Variants in MTREX observed in about 807,000 individuals in gnomAD.
MTREX encodes the protein exosome RNA helicase MTR4.
In MTREX, 76 loss-of-function variants were observed where a neutral mutation model predicts 135.4. The ratio of observed to expected loss-of-function variants is 0.56; its 90% confidence interval spans 0.47 to 0.68. The LOEUF is 0.68. MTREX is among the 30% of genes least tolerant of loss of function. The probability of loss-of-function intolerance (pLI) is 0.00; values close to 1 mark genes in which losing one functional copy is unlikely to be tolerated. For missense variants in MTREX, 920 were observed against 1,262.1 expected (o/e 0.73, Z 4.11); for synonymous variants, 404 against 401.6 (o/e 1.01, Z -0.07).
intron 23 of MTREX, among the ~76,000 whole-genome samples, chr5:55,413,452 C>T (rs1008216012): frequency 6.6e-6 from 1 of 151,226 alleles, no homozygotes; most frequent in African/African-American, 2.4e-5. Flanking sequence ...AAAATTTCTT[C>T]ACAAATAATG....
chr5:55,416,209 TATA>T (rs1579904229), intron 25 of MTREX, 77 bp downstream of exon 25: 3 of 869,246 alleles, frequency 3.5e-6, no homozygotes, highest in East Asian at 6.2e-5. Context: ...ATTAAACAAG[TATA>T]ATATGTATTT....
At chr5:55,368,953 C>T (rs990967878) in intron 16 of MTREX, among the ~76,000 whole-genome samples, 3 of 152,020 alleles carry the variant, frequency 2.0e-5, no homozygotes, top group Admixed American at 2.0e-4. Context: ...AATCATATTA[C>T]ATTTTATTAA....
intron 11 of MTREX, among the ~76,000 whole-genome samples, 181 bp downstream of exon 11, chr5:55,347,325 TCTC>T (rs1749754581): frequency 6.6e-6 from 1 of 152,214 alleles, no homozygotes; most frequent in Admixed American, 6.5e-5. Context: ...TTCCCTTTCT[TCTC>T]CTTTTATTGA....
chr5:55,378,333 A>G lies in MTREX; in HGVS notation c.1830A>G (p.Glu610=). The change falls in exon 17 of 27, where the codon GAA becomes GAG. Residue 610 remains glutamate, a synonymous_variant. Transcript: ENST00000230640. Reference sequence around the variant, plus strand: ...TTACAGAGGTAAAGAATTCAGAAGAACAGTATAATAAAATAGTAATTCCCA... The same window carrying G: ...TTACAGAGGTAAAGAATTCAGAAGAGCAGTATAATAAAATAGTAATTCCCA... The part of the protein sequence containing the change: ...GVVEKVKNSE[E]QYNKIVIPNE... The G allele has an allele frequency of 1.2e-6, 2 of 1,600,376 alleles. No individual in the cohort carries two copies. The highest frequency in any genetic ancestry group is 1.1e-5 in the South Asian group (1 of 87,172).
intron 22 of MTREX, 144 bp downstream of exon 22, chr5:55,405,732 C>T (rs1404017723): frequency 9.1e-6 from 5 of 547,584 alleles, no homozygotes; most frequent in South Asian, 3.7e-5. Flanking sequence ...AACTCCGCCT[C>T]GCAGTTTTAA....
At chr5:55,346,834 A>C (rs1579861469) in intron 10 of MTREX, among the ~76,000 whole-genome samples, 179 bp from the exon 11 acceptor site, 1 of 152,002 alleles carries the variant, frequency 6.6e-6, no homozygotes, top group African/African-American at 2.4e-5. Context: ...CAGTTCATGC[A>C]TTTTTTTCCT....
chr5:55,421,038 T>C (rs777035584), intron 25 of MTREX, among the ~76,000 whole-genome samples: 10 of 152,356 alleles, frequency 6.6e-5, no homozygotes, highest in Non-Finnish European at 1.3e-4. Flanking sequence ...CTTTCTACTC[T>C]GGCAGGACCA....
chr5:55,382,480 A>G (rs1172659837), intron 18 of MTREX, among the ~76,000 whole-genome samples: 1 of 152,092 alleles, frequency 6.6e-6, no homozygotes, highest in South Asian at 2.1e-4. Context: ...GTATAGCTCT[A>G]TTCTATTTTC....
intron 26 of MTREX, chr5:55,423,227 G>T: frequency 2.3e-6 from 1 of 435,012 alleles, no homozygotes; most frequent in Non-Finnish European, 4.0e-6. Flanking sequence ...TAAGCACTAG[G>T]GGATATAGTG....
chr5:55,401,190 A>C (rs1010422081), intron 21 of MTREX, among the ~76,000 whole-genome samples: 1 of 152,074 alleles, frequency 6.6e-6, no homozygotes, highest in Non-Finnish European at 1.5e-5. Flanking sequence ...ACGCACCACC[A>C]TGCCCAGCTA....
In MTREX at chr5:55,343,513, G is replaced by C. The variant is rs1749684486; in HGVS notation, c.906+58G>C. 8.2e-6 allele frequency: 12 copies of C among 1,460,288 alleles called. 1 individual carries two copies. Among genetic ancestry groups the C allele is most frequent in the South Asian group, 6.1e-5 (5 of 81,468 alleles). 90.5% of individuals were successfully genotyped at this position (1,460,288 alleles called of 1,614,324 possible). A position where few individuals can be genotyped will look rare whatever the true frequency, so the allele number is the denominator to read the frequency against. ...ATTCAAAATGTTACAGATTAGTCTT[G>C]CTTTACTCTCCCTTTGCTTTTCTCC... On this transcript the variant is annotated intron_variant, in intron 8 of 26. Transcript: ENST00000230640.
chr5:55,405,318 C>G lies in MTREX; in HGVS notation c.2482-107C>G, dbSNP rs530621140. 5 of 963,378 alleles carry G rather than the reference C, an allele frequency of 5.2e-6. No individual in the cohort carries two copies. In the South Asian group the frequency reaches 8.7e-5, roughly 17 times the overall value. 59.7% of individuals were successfully genotyped at this position (963,378 alleles called of 1,614,324 possible). A position where few individuals can be genotyped will look rare whatever the true frequency, so the allele number is the denominator to read the frequency against. On this transcript the variant is annotated intron_variant, in intron 21 of 26. Coordinates refer to ENST00000230640, the MANE Select transcript of MTREX (RefSeq NM_015360.5). ...ACTGAAGCTTTAACCCAGAAGTATA[C>G]TGTAAGATGTTCTTTAAAAATATTT...
chr5:55,362,701 T>C (rs1229716016), intron 15 of MTREX, among the ~76,000 whole-genome samples: 3 of 152,160 alleles, frequency 2.0e-5, no homozygotes, highest in African/African-American at 4.8e-5. Flanking sequence ...TTACTTGATA[T>C]GAGCTATAAA....
At chr5:55,353,414 G>GAT in intron 14 of MTREX, 145 bp downstream of exon 14, 1 of 517,152 alleles carries the variant, frequency 1.9e-6, no homozygotes, top group Non-Finnish European at 3.3e-6. Context: ...GTTAAACCTT[G>GAT]GCTTTTGGCC....
At chr5:55,337,175 C>T (rs1749567447) in intron 5 of MTREX, among the ~76,000 whole-genome samples, 1 of 152,102 alleles carries the variant, frequency 6.6e-6, no homozygotes, top group African/African-American at 2.4e-5. Context: ...GGTTGGAATG[C>T]AATGGCATAA....
intron 1 of MTREX, among the ~76,000 whole-genome samples, chr5:55,309,029 AT>A (rs546974856): frequency 1.4e-3 from 217 of 152,262 alleles, no homozygotes; most frequent in African/African-American, 5.0e-3. Context: ...AAAATGAATG[AT>A]ATATACAATT....
rs569536895 is a variant in MTREX at position 55,397,056 on chromosome 5, C to T, written c.2182-360C>T. Among the ~76,000 whole-genome samples, 9 of 152,268 alleles carry T rather than the reference C, an allele frequency of 5.9e-5. No individual in the cohort carries two copies. In the South Asian group the frequency reaches 1.9e-3, roughly 32 times the overall value. On this transcript the variant is annotated intron_variant, in intron 19 of 26. Coordinates refer to ENST00000230640, the MANE Select transcript of MTREX (RefSeq NM_015360.5). ...TTTCTTGACTTCCTAAACCTGTTAA[C>T]AAGAGTCTTTCATTCTTAGTACTAT...
At chr5:55,405,240 G>A (rs230784) in intron 21 of MTREX, 185 bp from the exon 22 acceptor site, 433,028 of 492,948 alleles carry the variant, frequency 0.88, 191,168 homozygotes, top group Admixed American at 0.92. Flanking sequence ...TTACTCTTGT[G>A]TAATGTTCCG....
chr5:55,328,593 A>G, intron 4 of MTREX, 106 bp from the exon 5 acceptor site: 1 of 682,038 alleles, frequency 1.5e-6, no homozygotes, highest in Non-Finnish European at 2.6e-6. Context: ...TCATAAAGGA[A>G]TACTCCCAGA....
Sources: allele counts gnomAD v4.1 joint callset (sites outside exome capture counted in the v4.1 genomes callset), GRCh38; gene constraint gnomAD v4.1.1; transcripts MANE v1.5; gene names NCBI Gene and HGNC (gene_info 2026-07-23, HGNC 2026-07-21).